Variants in BCAS3 observed in about 807,000 individuals in gnomAD.
BCAS3 encodes the protein BCAS3 microtubule associated cell migration factor.
Under a neutral mutation model 116.1 loss-of-function variants are expected in BCAS3, and 53 were observed. The ratio of observed to expected loss-of-function variants is 0.46; its 90% CI spans 0.37 to 0.57. BCAS3 has a LOEUF of 0.57. Among genes scored for constraint, BCAS3 ranks in the 20% least tolerant of loss-of-function variants. The pLI is 0.00. For synonymous variants in BCAS3, 391 were observed against 408.2 expected (o/e 0.96, Z 0.51); for missense variants, 917 against 1,165.4 (o/e 0.79, Z 3.10).
chr17:61,294,575 G>A (rs531319644), intron 22 of BCAS3, among the ~76,000 whole-genome samples: 1 of 152,278 alleles, frequency 6.6e-6, no homozygotes, highest in South Asian at 2.1e-4. Context: ...GTGTTGGTGG[G>A]CAAACTGGCC....
In BCAS3 at chr17:61,082,623, T is replaced by C. The variant is rs2072718454; in HGVS notation, c.2328-1844T>C. The stretch of plus-strand genomic sequence containing the variant: ...CATAATTTTGAATGGACTGACCATA[T>C]CTAAGAGGCTAGCTTTTTGTTGCTC... On this transcript the variant is annotated intron_variant, in intron 21 of 23. Transcript: ENST00000407086. The surrounding 1 kb of genome is among the most constrained non-coding windows in gnomAD (Gnocchi z 5.1). 6.6e-6 allele frequency among the ~76,000 whole-genome samples: 1 copy of C among 152,196 alleles called. No individual in the cohort carries two copies. Among genetic ancestry groups the C allele is most frequent in the East Asian group, 1.9e-4 (1 of 5,204 alleles).
chr17:61,290,723 G>C (rs999228792), intron 22 of BCAS3, among the ~76,000 whole-genome samples: 12 of 151,690 alleles, frequency 7.9e-5, no homozygotes, highest in African/African-American at 2.9e-4. Flanking sequence ...CCATCATTAA[G>C]AGCCCAGAAA....
At chr17:61,328,822 A>C (rs1425304654) in intron 22 of BCAS3, among the ~76,000 whole-genome samples, 1 of 145,198 alleles carries the variant, frequency 6.9e-6, no homozygotes, top group Non-Finnish European at 1.5e-5. Flanking sequence ...CTGAGGACCC[A>C]CTCCCTGGTT....
intron 6 of BCAS3, among the ~76,000 whole-genome samples, chr17:60,784,763 G>A (rs73316758): frequency 0.28 from 42,071 of 151,804 alleles, 11,534 homozygotes; most frequent in African/African-American, 0.72. Flanking sequence ...TTTTAAAAGC[G>A]TTTCTGGAAA....
chr17:61,150,967 G>A (rs1361331708), intron 22 of BCAS3, among the ~76,000 whole-genome samples: 1 of 152,170 alleles, frequency 6.6e-6, no homozygotes, highest in Non-Finnish European at 1.5e-5. Flanking sequence ...CCAGTTGAAG[G>A]GGAGTAAATC....
rs992816367 is a variant in BCAS3 at position 61,019,226 on chromosome 17, A to G, written c.1637+3325A>G. On this transcript the variant is annotated intron_variant, in intron 16 of 23. Transcript: ENST00000407086. The surrounding 1 kb of genome is among the most constrained non-coding windows in gnomAD (Gnocchi z 5.6). Reference sequence around the variant, plus strand: ...GCATCGGCATTAGATTCTCGTTAAGAGTGCAAACCCTATTGTTGTGAACTA... The same window carrying G: ...GCATCGGCATTAGATTCTCGTTAAGGGTGCAAACCCTATTGTTGTGAACTA... Among the ~76,000 whole-genome samples the G allele has an allele frequency of 2.6e-5, 4 of 152,170 alleles. No individual in the cohort carries two copies. Among genetic ancestry groups the G allele is most frequent in the African/African-American group, 9.7e-5 (4 of 41,436 alleles).
rs553469350 is a variant in BCAS3 at position 61,028,678 on chromosome 17, T to A, written c.1638-5988T>A. On this transcript the variant is annotated intron_variant, in intron 16 of 23. Transcript: ENST00000407086. This position sits in a 1 kb window ranked among gnomAD's most constrained non-coding sequence, Gnocchi z 4.3. ...CCTCACATTTAAGCAAAAGCACTTG[T>A]CAACCAGAAATGATTTGAGGTTGAA... 2.8e-4 allele frequency among the ~76,000 whole-genome samples: 43 copies of A among 152,028 alleles called. No homozygotes were observed. Among genetic ancestry groups the A allele is most frequent in the African/African-American group, 1.0e-3 (43 of 41,552 alleles).
intron 5 of BCAS3, chr17:60,727,484 T>A: frequency 6.5e-7 from 1 of 1,530,494 alleles, no homozygotes; most frequent in South Asian, 1.3e-5. Flanking sequence ...GTTGACCATC[T>A]TTGCAGCAGG....
intron 22 of BCAS3, among the ~76,000 whole-genome samples, chr17:61,191,731 C>A (rs190441851): frequency 4.7e-5 from 7 of 149,962 alleles, no homozygotes; most frequent in African/African-American, 1.7e-4. Flanking sequence ...GCCGAGATCG[C>A]ACCATTGCAC....
At chr17:60,759,853 A>G (rs1347052416) in intron 6 of BCAS3, among the ~76,000 whole-genome samples, 2 of 151,944 alleles carry the variant, frequency 1.3e-5, no homozygotes, top group Admixed American at 6.6e-5. Context: ...TACTGTAGAG[A>G]TGAGGGTTTC....
chr17:60,916,892 G>C (rs996752212), intron 12 of BCAS3, among the ~76,000 whole-genome samples: 9 of 152,234 alleles, frequency 5.9e-5, no homozygotes, highest in Middle Eastern at 6.8e-3. Flanking sequence ...CAATGGATTT[G>C]AATAAACATT....
chr17:60,703,637 G>T (rs9902233), intron 4 of BCAS3, among the ~76,000 whole-genome samples: 1,551 of 149,604 alleles, frequency 0.01, 26 homozygotes, highest in African/African-American at 0.037. Flanking sequence ...TTACCTAGCC[G>T]GGCGCGGTGG....
intron 14 of BCAS3, among the ~76,000 whole-genome samples, chr17:60,979,011 T>G (rs1177520829): frequency 7.3e-6 from 1 of 136,892 alleles, no homozygotes; most frequent in Non-Finnish European, 1.6e-5. Flanking sequence ...CATATGAACT[T>G]TAAAGTAGTT....
chr17:60,905,454 C>T (rs990090781), intron 11 of BCAS3, among the ~76,000 whole-genome samples: 1 of 152,152 alleles, frequency 6.6e-6, no homozygotes, highest in African/African-American at 2.4e-5. Context: ...TTCTGGTTCT[C>T]TTGGTTTTTA....
At chr17:60,782,282 A>C (rs1322554379) in intron 6 of BCAS3, among the ~76,000 whole-genome samples, 1 of 152,098 alleles carries the variant, frequency 6.6e-6, no homozygotes, top group Non-Finnish European at 1.5e-5. Flanking sequence ...TATTTTACCA[A>C]CTTTTAAACA....
intron 22 of BCAS3, among the ~76,000 whole-genome samples, chr17:61,107,109 C>T (rs1256609063): frequency 5.3e-4 from 53 of 100,952 alleles, no homozygotes; most frequent in Non-Finnish European, 8.2e-4. Context: ...TTTTTTGAGA[C>T]GGAGTCTCGC....
intron 5 of BCAS3, among the ~76,000 whole-genome samples, chr17:60,710,597 A>C (rs1253420747): frequency 1.3e-5 from 2 of 151,620 alleles, no homozygotes. Context: ...ACGCCTGGCT[A>C]ATTTTTTGTA....
At chr17:61,120,841 A>T (rs1467000007) in intron 22 of BCAS3, among the ~76,000 whole-genome samples, 1 of 152,152 alleles carries the variant, frequency 6.6e-6, no homozygotes. Context: ...CATAAGACTT[A>T]TACATTGCAA....
intron 22 of BCAS3, among the ~76,000 whole-genome samples, chr17:61,270,058 G>A (rs1439816108): frequency 6.7e-6 from 1 of 149,112 alleles, no homozygotes; most frequent in African/African-American, 2.5e-5. Context: ...ACCCACCTCA[G>A]CCTCCCAAAG....
Sources: allele counts gnomAD v4.1 joint callset (sites outside exome capture counted in the v4.1 genomes callset), GRCh38; gene constraint gnomAD v4.1.1; non-coding constraint Gnocchi (gnomAD v3.1); transcripts MANE v1.5; gene names NCBI Gene and HGNC (gene_info 2026-07-23, HGNC 2026-07-21).